Variants in TOPAZ1 observed in about 807,000 individuals in gnomAD.
TOPAZ1 encodes protein TOPAZ1.
TOPAZ1 carries 66 observed loss-of-function variants against 172.2 expected under a neutral mutation model. The observed-to-expected ratio is 0.38, with a 90% CI of 0.31 to 0.47. The LOEUF (loss-of-function observed/expected upper bound fraction) is 0.47, where lower values mean the gene tolerates loss of function less well. Ranked by LOEUF, TOPAZ1 falls within the 20% of genes least tolerant of loss-of-function variation. The pLI is 0.99. For missense variants in TOPAZ1, 1,822 were observed against 1,972.4 expected (o/e 0.92, Z 1.44); for synonymous variants, 681 against 683.9 (o/e 1.00, Z 0.07).
intron 8 of TOPAZ1, among the ~76,000 whole-genome samples, chr3:44,277,962 C>T (rs1440382879): frequency 6.6e-6 from 1 of 152,178 alleles, no homozygotes; most frequent in African/African-American, 2.4e-5. Flanking sequence ...AACATCTTTT[C>T]TTTGTAAATT....
intron 6 of TOPAZ1, 98 bp downstream of exon 6, chr3:44,267,234 A>C: frequency 1.0e-6 from 1 of 996,336 alleles, no homozygotes; most frequent in Non-Finnish European, 1.4e-6. Flanking sequence ...AAAAAGAAAA[A>C]TGGAATCATG....
intron 16 of TOPAZ1, among the ~76,000 whole-genome samples, chr3:44,314,733 A>G (rs1006157836): frequency 6.6e-6 from 1 of 152,126 alleles, no homozygotes; most frequent in Admixed American, 6.6e-5. Context: ...CTCAACCTTG[A>G]TTATCAGAAT....
At chr3:44,267,597 C>G (rs1699846809) in intron 6 of TOPAZ1, among the ~76,000 whole-genome samples, 1 of 151,980 alleles carries the variant, frequency 6.6e-6, no homozygotes, top group Non-Finnish European at 1.5e-5. Context: ...GCCCAGCCTA[C>G]TTAGTACTTT....
intron 8 of TOPAZ1, among the ~76,000 whole-genome samples, chr3:44,277,381 A>G (rs1699972165): frequency 6.6e-6 from 1 of 152,206 alleles, no homozygotes; most frequent in African/African-American, 2.4e-5. Flanking sequence ...CATCACATCT[A>G]AGAGTTTTCT....
At chr3:44,268,847 G>A (rs887499088) in intron 6 of TOPAZ1, among the ~76,000 whole-genome samples, 6 of 152,112 alleles carry the variant, frequency 3.9e-5, no homozygotes, top group Admixed American at 6.6e-5. Flanking sequence ...TCAGTCCATC[G>A]CACCTGGATT....
chr3:44,303,479 C>CTTTTTTTTTTT (rs34565826), intron 12 of TOPAZ1, among the ~76,000 whole-genome samples: 4 of 109,940 alleles, frequency 3.6e-5, no homozygotes, highest in Admixed American at 9.6e-5. Flanking sequence ...TGCTTGCTTG[C>CTTTTTTTTTTT]TTTTTTTTTT....
At chr3:44,333,536 G>A (rs1244532893), downstream of TOPAZ1, among the ~76,000 whole-genome samples, 1 of 152,142 alleles carries the variant, frequency 6.6e-6, no homozygotes, top group African/African-American at 2.4e-5. Context: ...CTGAGATGCT[G>A]GTGGCAAAGA....
rs1329238648 is a variant in TOPAZ1, at chr3:44,309,981, G to A, written c.4297G>A (p.Val1433Ile). 4 of 1,547,992 alleles carry A rather than the reference G, an allele frequency of 2.6e-6. No homozygotes were observed. Among genetic ancestry groups the A allele is most frequent in the Admixed American group, 2.0e-5 (1 of 49,892 alleles). ...TGGAAGCCTAGATGGTGCCATTTGG[G>A]TAATGAGGGGTAAGTCCTGATATAT... is the stretch of plus-strand genomic sequence containing the variant. ...KSGSLDGAIWVMRESEWIINT... is the reference protein window; with the variant it reads ...KSGSLDGAIWIMRESEWIINT... Residue 1433 changes from valine (V) to isoleucine (I), a missense_variant, in exon 16 of 20, where the codon GTA becomes ATA. Transcript: ENST00000309765.
rs919775442 is a variant in TOPAZ1 at position 44,242,318 on chromosome 3, G to A, written c.265G>A (p.Val89Met). 1.3e-6 allele frequency: 2 copies of A among 1,552,116 alleles called. No individual in the cohort carries two copies. Among genetic ancestry groups the A allele is most frequent in the Non-Finnish European group, 1.7e-6 (2 of 1,147,086 alleles). Residue 89 changes from valine to methionine, a missense_variant, in exon 1 of 20, where the codon GTG (valine) becomes ATG (methionine). By Grantham distance (21) the Val-to-Met change is conservative. This residue lies in a region of TOPAZ1 where 1,489 missense variants were observed against 1,490.8 expected (regional missense o/e 1.00). Transcript: ENST00000309765. ...RRQVEGRRGP[V>M]SPSDSSDPRG... Reference sequence around the variant, plus strand: ...TCAGGTGGAGGGGCGCAGGGGCCCGGTGAGCCCGTCAGACTCGTCAGACCC... The same window carrying A: ...TCAGGTGGAGGGGCGCAGGGGCCCGATGAGCCCGTCAGACTCGTCAGACCC...
chr3:44,257,352 GGTGTGTGT>G (rs59827431), intron 4 of TOPAZ1, among the ~76,000 whole-genome samples: 1,151 of 110,372 alleles, frequency 0.01, 19 homozygotes, highest in African/African-American at 0.031. Flanking sequence ...AAAACATAGG[GGTGTGTGT>G]GTGTGTGTGT....
chr3:44,267,149 T>G lies in TOPAZ1; in HGVS notation c.3160+13T>G. 1 of 1,490,262 alleles carries G rather than the reference T, an allele frequency of 6.7e-7. No homozygotes were observed. The highest frequency in any genetic ancestry group is 8.9e-7 in the Non-Finnish European group (1 of 1,120,504). 92.3% of individuals were successfully genotyped at this position (1,490,262 alleles called of 1,614,324 possible). On this transcript the variant is annotated intron_variant, in intron 6 of 19. Transcript: ENST00000309765. ...ACCTGGATGAATGGTACTATTTGTT[T>G]TCTTAATGAAATCCTGTTGGCTTTT...
chr3:44,268,672 C>T (rs934468358), intron 6 of TOPAZ1, among the ~76,000 whole-genome samples: 8 of 151,910 alleles, frequency 5.3e-5, no homozygotes, highest in African/African-American at 7.3e-5. Flanking sequence ...TGTGAGCCAC[C>T]GCACCAGACT....
rs548084978 is a variant in TOPAZ1, at chr3:44,243,018, G to A, written c.512G>A (p.Arg171Gln). The part of the protein sequence containing the change: ...SIIEGIKRRI[R>Q]NKKLKSLENP... ...ATAGAAGGTATTAAAAGAAGAATTC[G>A]AAATAAAAAACTTAAAAGCTTAGAA... Residue 171 changes from arginine to glutamine, a missense_variant, in exon 2 of 20, where the codon CGA becomes CAA. Around this residue, in one of 2 missense-constraint regions of TOPAZ1, gnomAD observed 1,489 missense variants for 1,490.8 expected, o/e 1.00. Coordinates refer to ENST00000309765, the MANE Select transcript of TOPAZ1 (RefSeq NM_001145030.2). 12 of 1,543,186 alleles carry A rather than the reference G, an allele frequency of 7.8e-6. No individual in the cohort carries two copies. The highest frequency in any genetic ancestry group is 7.4e-5 in the South Asian group (6 of 81,078).
chr3:44,294,303 A>G (rs1475851537), intron 12 of TOPAZ1, among the ~76,000 whole-genome samples: 1 of 152,174 alleles, frequency 6.6e-6, no homozygotes, highest in Non-Finnish European at 1.5e-5. Context: ...TTTAAGAGGT[A>G]CTAACGTTGG....
chr3:44,270,369 G>A (rs1478126566), intron 7 of TOPAZ1, among the ~76,000 whole-genome samples: 1 of 152,048 alleles, frequency 6.6e-6, no homozygotes, highest in Non-Finnish European at 1.5e-5. Context: ...CTGTTCCTTA[G>A]TTTTTCTGTG....
chr3:44,330,720 A>C (rs1470441952), intron 19 of TOPAZ1, among the ~76,000 whole-genome samples: 8 of 152,204 alleles, frequency 5.3e-5, no homozygotes, highest in Non-Finnish European at 1.2e-4. Context: ...CAAGAGTAGG[A>C]AGCAGTGAAC....
intron 10 of TOPAZ1, 25 bp from the exon 11 acceptor site, chr3:44,287,722 A>C (rs1700095188): frequency 8.3e-7 from 1 of 1,208,540 alleles, no homozygotes; most frequent in Non-Finnish European, 1.2e-6. Flanking sequence ...TCTGAAAATG[A>C]GTGTAATTTT....
rs1318537706 is a variant in TOPAZ1, at chr3:44,242,326, G to A, written c.273G>A (p.Pro91=). Residue 91 remains proline, a synonymous_variant, in exon 1 of 20, where the codon CCG becomes CCA. Coordinates refer to ENST00000309765, the MANE Select transcript of TOPAZ1 (RefSeq NM_001145030.2). The stretch of plus-strand genomic sequence containing the variant: ...AGGGGCGCAGGGGCCCGGTGAGCCC[G>A]TCAGACTCGTCAGACCCGCGAGGCC... ...QVEGRRGPVS[P]SDSSDPRGLE... 6 of 1,552,154 alleles carry A rather than the reference G, an allele frequency of 3.9e-6. No individual in the cohort carries two copies. The highest frequency in any genetic ancestry group is 5.2e-6 in the Non-Finnish European group (6 of 1,147,072).
intron 19 of TOPAZ1, 49 bp downstream of exon 19, chr3:44,328,482 C>A: frequency 3.0e-6 from 3 of 1,014,524 alleles, no homozygotes; most frequent in Non-Finnish European, 4.2e-6. Flanking sequence ...TCATGACTCC[C>A]CACACCCACC....
Sources: gnomAD v4.1 joint callset for allele counts (sites outside exome capture counted in the v4.1 genomes callset) on GRCh38, gnomAD v4.1.1 for gene constraint, gnomAD v4.1.1 regional missense constraint, MANE v1.5 for transcripts, NCBI Gene and HGNC (gene_info 2026-07-23, HGNC 2026-07-21) for gene names.